The following TBCK variants were observed in gnomAD, a reference collection of about 807,000 sequenced individuals.
TBCK encodes TBC domain-containing protein kinase-like protein.
In TBCK, 99 loss-of-function variants were observed where a neutral mutation model predicts 113.4. That is an observed-to-expected ratio of 0.87 (90% CI 0.74 to 1.03). TBCK has a LOEUF of 1.03. Among genes scored for constraint, TBCK ranks in the 50% least tolerant of loss-of-function variants. TBCK has a pLI of 0.00. For missense variants in TBCK, 1,045 were observed against 1,061.3 expected, an observed-to-expected ratio of 0.98 and a Z score of 0.21; for synonymous variants, 369 against 370.8, an observed-to-expected ratio of 1.00 and a Z score of 0.05.
intron 25 of TBCK, among the ~76,000 whole-genome samples, chr4:106,069,983 T>G: frequency 6.6e-6 from 1 of 152,206 alleles, no homozygotes; most frequent in South Asian, 2.1e-4. Context: ...TTTTTGCACA[T>G]TGATTTTGTA....
intron 12 of TBCK, among the ~76,000 whole-genome samples, chr4:106,239,170 C>T (rs971495213): frequency 6.6e-6 from 1 of 152,018 alleles, no homozygotes; most frequent in Non-Finnish European, 1.5e-5. Flanking sequence ...AGGAAATATT[C>T]AACTCCAGTC....
intron 2 of TBCK, among the ~76,000 whole-genome samples, chr4:106,304,121 A>G (rs1663075361): frequency 6.6e-6 from 1 of 152,138 alleles, no homozygotes; most frequent in Admixed American, 6.6e-5. Flanking sequence ...CCCTCAAAGT[A>G]TCTGTTTCAA....
chr4:106,055,728 T>A (rs62320116), intron 25 of TBCK, among the ~76,000 whole-genome samples: 1 of 151,568 alleles, frequency 6.6e-6, no homozygotes, highest in Admixed American at 6.6e-5. Flanking sequence ...TAATTTATAA[T>A]GGAGACAGTC....
rs529445769 is a variant in TBCK at position 106,087,744 on chromosome 4, G to A, written c.2571+7738C>T. On this transcript the variant is annotated intron_variant, in intron 25 of 25. Coordinates refer to ENST00000394708, the MANE Select transcript of TBCK (RefSeq NM_001163435.3). ...TTGTACATATAGACCAACGGAGCAG[G>A]ACCAACATACAGACCAATGGAGCAG... Among the ~76,000 whole-genome samples, 9 of 151,440 alleles carry A rather than the reference G, an allele frequency of 5.9e-5. No homozygotes were observed. In the South Asian group the frequency reaches 1.9e-3, roughly 32 times the overall value.
chr4:106,305,727 C>A (rs1427226036), intron 2 of TBCK, among the ~76,000 whole-genome samples: 3 of 152,060 alleles, frequency 2.0e-5, no homozygotes, highest in Non-Finnish European at 4.4e-5. Flanking sequence ...GCACAAGATA[C>A]AGGTCATAAA....
chr4:106,294,760 C>A (rs1050471103), intron 3 of TBCK, among the ~76,000 whole-genome samples: 5 of 152,000 alleles, frequency 3.3e-5, no homozygotes, highest in South Asian at 2.1e-4. Context: ...GCATTACAGG[C>A]GTGAGCCACC....
chr4:106,307,286 C>T (rs1767628223), intron 2 of TBCK, among the ~76,000 whole-genome samples: 1 of 152,082 alleles, frequency 6.6e-6, no homozygotes, highest in Admixed American at 6.5e-5. Context: ...ATTTTCTTAT[C>T]TGTAAAATGA....
chr4:106,072,195 A>G (rs546923752), intron 25 of TBCK, among the ~76,000 whole-genome samples: 141 of 152,242 alleles, frequency 9.3e-4, no homozygotes, highest in Non-Finnish European at 1.7e-3. Context: ...TAGCATCGAT[A>G]GTCTTTACAA....
intron 3 of TBCK, among the ~76,000 whole-genome samples, chr4:106,274,016 A>C (rs1763769488): frequency 6.6e-6 from 1 of 152,252 alleles, no homozygotes. Flanking sequence ...GGCTTAAAGA[A>C]GCCATCATGA....
At chr4:106,177,856 C>T (rs374603902) in intron 22 of TBCK, among the ~76,000 whole-genome samples, 12 of 151,904 alleles carry the variant, frequency 7.9e-5, no homozygotes, top group African/African-American at 2.9e-4. Context: ...TTTTCGAATT[C>T]TGTTAAGAGT....
chr4:106,225,638 T>A (rs1380454301), intron 19 of TBCK, among the ~76,000 whole-genome samples: 1 of 151,976 alleles, frequency 6.6e-6, no homozygotes, highest in Non-Finnish European at 1.5e-5. Flanking sequence ...TTTGTATTTT[T>A]AGTAGAGACA....
At chr4:106,212,643 C>T (rs574922713) in intron 20 of TBCK, 107 bp downstream of exon 20, 1 of 684,478 alleles carries the variant, frequency 1.5e-6, no homozygotes, top group African/African-American at 1.8e-5. Context: ...GTAACTTGTT[C>T]AGATATGCAC....
chr4:106,128,679 T>A (rs982032981), intron 23 of TBCK, among the ~76,000 whole-genome samples: 1 of 152,182 alleles, frequency 6.6e-6, no homozygotes. Context: ...CTAGAAAGAT[T>A]CAATATTATA....
Position 106,187,893 on chromosome 4 carries a change from T to A in TBCK, c.2059+5716A>T, listed in dbSNP as rs368238660. 1.8e-4 allele frequency among the ~76,000 whole-genome samples: 28 copies of A among 152,340 alleles called. No homozygotes were observed. The South Asian group carries it at 3.1e-3, about 17-fold the overall frequency. On this transcript the variant is annotated intron_variant, in intron 22 of 25. Transcript: ENST00000394708. ...AGAAGTGCTACTGATTTATATATAT[T>A]GATTTTTTATCCTAAAACTTGGCTA...
intron 24 of TBCK, among the ~76,000 whole-genome samples, chr4:106,105,530 T>C (rs761530914): frequency 2.0e-5 from 3 of 152,182 alleles, no homozygotes; most frequent in Non-Finnish European, 4.4e-5. Context: ...AGAGGGAACA[T>C]GGCTGCAACT....
intron 23 of TBCK, among the ~76,000 whole-genome samples, chr4:106,125,214 C>G (rs1353214105): frequency 6.6e-6 from 1 of 152,024 alleles, no homozygotes; most frequent in African/African-American, 2.4e-5. Context: ...TCCAGCAATC[C>G]CACTGCTGGG....
At chr4:106,227,360 C>A (rs114107589) in intron 19 of TBCK, among the ~76,000 whole-genome samples, 11,582 of 147,160 alleles carry the variant, frequency 0.079, 502 homozygotes, top group Middle Eastern at 0.18. Flanking sequence ...GCTGAAAAAA[C>A]AAATGTTTTT....
intron 3 of TBCK, among the ~76,000 whole-genome samples, chr4:106,265,564 CAG>C (rs1762923897): frequency 6.6e-6 from 1 of 151,616 alleles, no homozygotes; most frequent in South Asian, 2.1e-4. Flanking sequence ...GGGAAAGAGA[CAG>C]AGAGAGAGTG....
intron 22 of TBCK, among the ~76,000 whole-genome samples, chr4:106,184,726 G>A (rs1210787446): frequency 6.6e-6 from 1 of 151,968 alleles, no homozygotes; most frequent in Non-Finnish European, 1.5e-5. Flanking sequence ...CCGGGCTCCA[G>A]ATATAATTCA....
Sources: gnomAD v4.1 joint callset for allele counts (sites outside exome capture counted in the v4.1 genomes callset) on GRCh38, gnomAD v4.1.1 for gene constraint, MANE v1.5 for transcripts, NCBI Gene and HGNC (gene_info 2026-07-23, HGNC 2026-07-21) for gene names.